Variants in CCSER1 observed in about 807,000 individuals in gnomAD.
CCSER1 encodes the protein coiled-coil serine rich protein 1.
In CCSER1, 41 loss-of-function variants were observed where a neutral mutation model predicts 82.0. The ratio of observed to expected loss-of-function variants is 0.50; its 90% CI spans 0.39 to 0.65. CCSER1 has a LOEUF of 0.65. Ranked by LOEUF, CCSER1 falls within the 30% of genes least tolerant of loss-of-function variation. The pLI, the probability that CCSER1 is intolerant of heterozygous loss-of-function variation, is 0.00. For missense variants in CCSER1, 1,119 were observed against 1,064.2 expected (o/e 1.05, Z -0.72); for synonymous variants, 414 against 383.9 (o/e 1.08, Z -0.92).
At chr4:90,157,942 G>T (rs985010638) in intron 1 of CCSER1, among the ~76,000 whole-genome samples, 4 of 152,182 alleles carry the variant, frequency 2.6e-5, no homozygotes, top group Admixed American at 2.6e-4. Flanking sequence ...TGGAGGAGGA[G>T]AGGCGCTCTG....
chr4:90,449,873 G>A (rs1358681635), intron 4 of CCSER1, among the ~76,000 whole-genome samples: 1 of 152,144 alleles, frequency 6.6e-6, no homozygotes, highest in Non-Finnish European at 1.5e-5. Context: ...GGAGGGTGAG[G>A]CTCTGCCCCT....
At chr4:91,097,900 A>G (rs902654360) in intron 10 of CCSER1, among the ~76,000 whole-genome samples, 1 of 152,204 alleles carries the variant, frequency 6.6e-6, no homozygotes, top group Admixed American at 6.5e-5. Context: ...TCTGTTTTAG[A>G]GTCCAGAATG....
intron 10 of CCSER1, among the ~76,000 whole-genome samples, chr4:91,136,477 T>A (rs1728479833): frequency 6.6e-6 from 1 of 152,176 alleles, no homozygotes. Flanking sequence ...TCTACTCTAA[T>A]CTTTTCCATC....
intron 8 of CCSER1, among the ~76,000 whole-genome samples, chr4:90,902,814 G>A (rs1724859696): frequency 6.6e-6 from 1 of 152,006 alleles, no homozygotes; most frequent in South Asian, 2.1e-4. Context: ...TTGATGATGA[G>A]TGGAAGCACC....
intron 1 of CCSER1, among the ~76,000 whole-genome samples, chr4:90,258,272 T>C (rs1723706571): frequency 6.6e-6 from 1 of 152,160 alleles, no homozygotes; most frequent in Non-Finnish European, 1.5e-5. Context: ...CCCAGCACTT[T>C]GGGAGGCCGC....
At chr4:91,152,348 T>A (rs1358795549) in intron 10 of CCSER1, among the ~76,000 whole-genome samples, 1 of 152,188 alleles carries the variant, frequency 6.6e-6, no homozygotes, top group Non-Finnish European at 1.5e-5. Context: ...TCCATCCCCT[T>A]ATTTTGAGCC....
At chr4:90,746,308 A>T (rs1318972488) in intron 7 of CCSER1, among the ~76,000 whole-genome samples, 1 of 152,208 alleles carries the variant, frequency 6.6e-6, no homozygotes, top group Non-Finnish European at 1.5e-5. Context: ...TTGTTAAATG[A>T]ATTAATGATG....
At chr4:91,282,267 A>G (rs62312007) in intron 10 of CCSER1, among the ~76,000 whole-genome samples, 1 of 152,140 alleles carries the variant, frequency 6.6e-6, no homozygotes, top group Non-Finnish European at 1.5e-5. Flanking sequence ...ACTTTATTCC[A>G]TCTCAAATGC....
At chr4:90,290,613 G>A (rs1019467797) in intron 1 of CCSER1, among the ~76,000 whole-genome samples, 1 of 151,826 alleles carries the variant, frequency 6.6e-6, no homozygotes, top group Admixed American at 6.6e-5. Context: ...CTGTAGGACG[G>A]TACAACTGTC....
chr4:91,072,606 C>A (rs992879560), intron 9 of CCSER1, among the ~76,000 whole-genome samples: 16 of 152,032 alleles, frequency 1.1e-4, no homozygotes, highest in Non-Finnish European at 2.2e-4. Flanking sequence ...TCTCAACACA[C>A]ATAAAAATAA....
chr4:91,037,639 A>G (rs774406408), intron 9 of CCSER1, among the ~76,000 whole-genome samples: 5 of 152,006 alleles, frequency 3.3e-5, no homozygotes, highest in Non-Finnish European at 7.4e-5. Context: ...ACCTATTTCA[A>G]CATTTCTGTG....
At chr4:91,296,744 C>G (rs1744213762) in intron 10 of CCSER1, among the ~76,000 whole-genome samples, 1 of 150,616 alleles carries the variant, frequency 6.6e-6, no homozygotes. Context: ...TCAATGTATT[C>G]TATACATTGT....
intron 7 of CCSER1, among the ~76,000 whole-genome samples, chr4:90,745,605 A>T (rs1037364491): frequency 2.7e-5 from 4 of 150,524 alleles, no homozygotes; most frequent in Non-Finnish European, 5.9e-5. Context: ...TTTCCCCCTC[A>T]GTGGTTGATT....
chr4:90,609,920 C>G (rs1419145613), intron 5 of CCSER1, among the ~76,000 whole-genome samples: 1 of 152,054 alleles, frequency 6.6e-6, no homozygotes, highest in African/African-American at 2.4e-5. Context: ...ATTTGGATTA[C>G]AGAAGAAAAA....
chr4:91,592,712 C>A (rs1170458990), intron 10 of CCSER1, among the ~76,000 whole-genome samples: 1 of 151,984 alleles, frequency 6.6e-6, no homozygotes, highest in African/African-American at 2.4e-5. Context: ...TTTTTAAATT[C>A]TGTTTAACAT....
At chr4:91,585,735 G>A (rs1763955960) in intron 10 of CCSER1, among the ~76,000 whole-genome samples, 1 of 151,336 alleles carries the variant, frequency 6.6e-6, no homozygotes, top group Non-Finnish European at 1.5e-5. Flanking sequence ...GAAGGAGAAA[G>A]TTTTTCATGT....
At chr4:90,932,964 A>AG (rs1266468257) in intron 9 of CCSER1, among the ~76,000 whole-genome samples, 3 of 46,534 alleles carry the variant, frequency 6.4e-5, no homozygotes, top group South Asian at 5.5e-4. Flanking sequence ...GAAAGAAAGA[A>AG]AGAAAGAAAG....
At chr4:90,720,397 G>T (rs367658186) in intron 6 of CCSER1, among the ~76,000 whole-genome samples, 39 of 151,596 alleles carry the variant, frequency 2.6e-4, no homozygotes, top group Non-Finnish European at 4.7e-4. Flanking sequence ...AAAAACATAA[G>T]ACTTATACAA....
At chr4:90,712,666 GCTGAGTTCAGGTC>G (rs1372434163) in intron 6 of CCSER1, among the ~76,000 whole-genome samples, 1 of 151,684 alleles carries the variant, frequency 6.6e-6, no homozygotes, top group Non-Finnish European at 1.5e-5. Context: ...TTAATCCAGA[GCTGAGTTCAGGTC>G]CTGAATATTT....
Sources: allele counts gnomAD v4.1 joint callset (sites outside exome capture counted in the v4.1 genomes callset), GRCh38; gene constraint gnomAD v4.1.1; transcripts MANE v1.5; gene names NCBI Gene and HGNC (gene_info 2026-07-23, HGNC 2026-07-21).